BRD7: variants seen among roughly 807,000 people sequenced by gnomAD.
BRD7 encodes bromodomain-containing protein 7.
A neutral mutation model predicts 82.1 loss-of-function variants in BRD7; 15 were observed. That is an observed-to-expected ratio of 0.18 (90% CI 0.12 to 0.28). BRD7 has a LOEUF of 0.28. Among genes scored for constraint, BRD7 ranks in the 10% least tolerant of loss-of-function variants. The pLI is 1.00. For missense variants in BRD7, 638 were observed against 779.9 expected, an observed-to-expected ratio of 0.82 and a Z score of 2.17; for synonymous variants, 232 against 266.9, an observed-to-expected ratio of 0.87 and a Z score of 1.27.
chr16:50,368,134 G>C lies in BRD7; in HGVS notation c.214C>G (p.Gln72Glu). ...KRKKRKKGEK[Q>E]IPGEEKGRKR... ...CTCCCCTTTTCTTCCCCTGGAATCT[G>C]CTTCTCTCCTTTCTTTCTCTTTTTC... Residue 72 changes from glutamine to glutamate, a missense_variant, in exon 2 of 17, where the codon CAG becomes GAG. Physicochemically the swap from Gln to Glu is conservative, Grantham distance 29 (BLOSUM62 2). Transcript: ENST00000394688. The C allele has an allele frequency of 6.2e-7, 1 of 1,614,004 alleles. No individual in the cohort carries two copies.
At position 50,350,006 on chromosome 16, in the gene BRD7, T is replaced by A; in HGVS notation, c.591+17A>T. 1 of 1,543,358 alleles carries A rather than the reference T, an allele frequency of 6.5e-7. No individual in the cohort carries two copies. Among genetic ancestry groups the A allele is most frequent in the Non-Finnish European group, 8.7e-7 (1 of 1,150,324 alleles). On this transcript the variant is annotated intron_variant, in intron 5 of 16. Transcript: ENST00000394688. ...GATTTCTACCAAGATTTTGTGTATATAGGATTGAAGAGTTACCTTTAGTTC... is the reference window on the plus strand; with the variant it reads ...GATTTCTACCAAGATTTTGTGTATAAAGGATTGAAGAGTTACCTTTAGTTC...
intron 5 of BRD7, 61 bp from the exon 6 acceptor site, chr16:50,340,147 C>A (rs896026330): frequency 1.1e-6 from 1 of 924,080 alleles, no homozygotes; most frequent in Non-Finnish European, 1.6e-6. Flanking sequence ...CCTGCACCCC[C>A]AGGTTGAAAA....
intron 9 of BRD7, among the ~76,000 whole-genome samples, chr16:50,327,804 G>A (rs182118605): frequency 1.3e-5 from 2 of 152,202 alleles, no homozygotes; most frequent in East Asian, 1.9e-4. Flanking sequence ...TTCTCTTTAT[G>A]TGAGTCCTCT....
chr16:50,333,292 A>G (rs960242848), intron 8 of BRD7, among the ~76,000 whole-genome samples: 5 of 152,228 alleles, frequency 3.3e-5, no homozygotes, highest in Admixed American at 2.0e-4. Context: ...TTAATCATGT[A>G]CTTTACAAAT....
chr16:50,348,502 A>G (rs1174607569), intron 5 of BRD7, among the ~76,000 whole-genome samples: 4 of 152,252 alleles, frequency 2.6e-5, no homozygotes, highest in African/African-American at 4.8e-5. Flanking sequence ...AAATTTTCAC[A>G]GTCTATCCAT....
chr16:50,339,916 G>A, intron 6 of BRD7, 60 bp downstream of exon 6: 1 of 994,876 alleles, frequency 1.0e-6, no homozygotes, highest in Non-Finnish European at 1.5e-6. Flanking sequence ...TATTACTATG[G>A]CCAACAAACA....
At chr16:50,351,683 T>C (rs571014396) in intron 4 of BRD7, among the ~76,000 whole-genome samples, 2 of 152,218 alleles carry the variant, frequency 1.3e-5, no homozygotes, top group African/African-American at 2.4e-5. Flanking sequence ...CCAATGTCTT[T>C]AGACTAAGAA....
chr16:50,367,057 T>G (rs777979560), intron 2 of BRD7, among the ~76,000 whole-genome samples: 5 of 152,196 alleles, frequency 3.3e-5, no homozygotes, highest in Non-Finnish European at 5.9e-5. Context: ...TCTCTAAGAC[T>G]TGGTGACTTA....
intron 4 of BRD7, 52 bp downstream of exon 4, chr16:50,354,373 C>T: frequency 1.4e-6 from 2 of 1,454,968 alleles, no homozygotes; most frequent in Non-Finnish European, 1.9e-6. Flanking sequence ...TTGGATCCTA[C>T]ACATCTACCA....
intron 5 of BRD7, among the ~76,000 whole-genome samples, chr16:50,341,927 T>TACACACACACAC: frequency 1.5e-5 from 1 of 68,210 alleles, no homozygotes; most frequent in East Asian, 7.8e-4. Context: ...CTGCACACTT[T>TACACACACACAC]TCACACACAC....
intron 4 of BRD7, among the ~76,000 whole-genome samples, chr16:50,353,292 T>A (rs1380170924): frequency 6.6e-6 from 1 of 152,058 alleles, no homozygotes; most frequent in Non-Finnish European, 1.5e-5. Context: ...CTTAAACTCC[T>A]GGCCTCAACT....
At chr16:50,355,077 G>A (rs193195676) in intron 2 of BRD7, among the ~76,000 whole-genome samples, 155 bp from the exon 3 acceptor site, 1 of 152,212 alleles carries the variant, frequency 6.6e-6, no homozygotes, top group East Asian at 1.9e-4. Context: ...GAAAAGGAGA[G>A]AATAATACGT....
rs114450387 is a variant in BRD7 at position 50,354,911 on chromosome 16, C to A, written c.270G>T (p.Lys90Asn). Residue 90 changes from lysine (K) to asparagine (N), a missense_variant, in exon 3 of 17, where the codon AAG becomes AAT. This residue lies in a region of BRD7 where 172 missense variants were observed against 155.3 expected (regional missense o/e 1.11). Coordinates refer to ENST00000394688, the MANE Select transcript of BRD7 (RefSeq NM_013263.5). ...RKRRRVKEDK[K>N]KRDRDRVENE... ...TCTCCACCCGGTCTCGATCTCGCTT[C>A]TTTTTATCCTCCTAAATGGAACAAA... 25 of 1,613,998 alleles carry A rather than the reference C, an allele frequency of 1.5e-5. No homozygotes were observed. In the East Asian group the frequency reaches 5.6e-4, roughly 36 times the overall value.
In BRD7 at chr16:50,334,735, T is replaced by C. The variant is rs766047915; in HGVS notation, c.863A>G (p.Lys288Arg). The C allele has an allele frequency of 1.2e-5, 19 of 1,613,926 alleles. No homozygotes were observed. The highest frequency in any genetic ancestry group is 1.1e-5 in the South Asian group (1 of 91,070). The stretch of plus-strand genomic sequence containing the variant: ...CTTTTTATTTTCTTTGCTGGGACTC[T>C]TGAAGGCGTGTGCTTCGGCATCTCC... ...DSGDAEAHAF[K>R]SPSKENKKKD... The change falls in exon 7 of 17, where the codon AAG (lysine) becomes AGG (arginine). Residue 288 changes from lysine (K) to arginine (R), a missense_variant. By Grantham distance (26) the Lys-to-Arg change is conservative. Transcript: ENST00000394688.
At chr16:50,337,451 A>G (rs11639573) in intron 6 of BRD7, among the ~76,000 whole-genome samples, 41,680 of 151,476 alleles carry the variant, frequency 0.28, 6,502 homozygotes, top group African/African-American at 0.42. Context: ...GTAGAGACGG[A>G]GTTTTTCCAT....
At chr16:50,368,331 C>A (rs751148083) in intron 1 of BRD7, 33 bp from the exon 2 acceptor site, 5 of 1,600,134 alleles carry the variant, frequency 3.1e-6, no homozygotes, top group Non-Finnish European at 3.4e-6. Flanking sequence ...AAGGAAAGCG[C>A]GTCGATTAAA....
At chr16:50,327,043 G>A (rs984321199) in intron 9 of BRD7, among the ~76,000 whole-genome samples, 3 of 152,230 alleles carry the variant, frequency 2.0e-5, no homozygotes, top group Non-Finnish European at 4.4e-5. Flanking sequence ...TTCAACGGAG[G>A]CTACTGCCAT....
intron 2 of BRD7, among the ~76,000 whole-genome samples, chr16:50,364,120 CTG>C (rs2039047345): frequency 6.6e-6 from 1 of 151,216 alleles, no homozygotes; most frequent in Admixed American, 6.6e-5. Flanking sequence ...GCTAAGGTGA[CTG>C]TGTGATTAGG....
At position 50,368,152 on chromosome 16, in the gene BRD7, T is replaced by C. The variant is rs551589417; in HGVS notation, c.196A>G (p.Arg66Gly). The C allele has an allele frequency of 6.2e-7, 1 of 1,614,120 alleles. No individual in the cohort carries two copies. The highest frequency in any genetic ancestry group is 1.1e-5 in the South Asian group (1 of 91,082). ...GGAATCTGCTTCTCTCCTTTCTTTC[T>C]CTTTTTCCGCTTTCTGTCCTTGTGT... Reference protein sequence around the residue: ...DKHKDRKRKKRKKGEKQIPGE... With the variant: ...DKHKDRKRKKGKKGEKQIPGE... The change falls in exon 2 of 17, where the codon AGA (arginine) becomes GGA (glycine). Residue 66 changes from arginine to glycine, a missense_variant. Physicochemically the swap from Arg to Gly is moderately radical, Grantham distance 125 (BLOSUM62 -2). Coordinates refer to ENST00000394688, the MANE Select transcript of BRD7 (RefSeq NM_013263.5).
Sources: gnomAD v4.1 joint callset for allele counts (sites outside exome capture counted in the v4.1 genomes callset) on GRCh38, gnomAD v4.1.1 for gene constraint, gnomAD v4.1.1 regional missense constraint, MANE v1.5 for transcripts, NCBI Gene and HGNC (gene_info 2026-07-23, HGNC 2026-07-21) for gene names.